The following SCN8A variants were observed in gnomAD, a reference collection of about 807,000 sequenced individuals.
SCN8A encodes the protein sodium channel protein type 8 subunit alpha.
Under a neutral mutation model 184.1 loss-of-function variants are expected in SCN8A, and 30 were observed. The observed-to-expected ratio is 0.16, with a 90% CI of 0.12 to 0.22. The LOEUF is 0.22. Ranked by LOEUF, SCN8A falls within the 10% of genes least tolerant of loss-of-function variation. SCN8A has a pLI of 1.00. For synonymous variants in SCN8A, 852 were observed against 907.0 expected (o/e 0.94, Z 1.09); for missense variants, 1,057 against 2,498.9 (o/e 0.42, Z 12.30).
chr12:51,711,727 T>TC (rs57690686), intron 11 of SCN8A, among the ~76,000 whole-genome samples: 1 of 150,942 alleles, frequency 6.6e-6, no homozygotes, highest in Non-Finnish European at 1.5e-5. Flanking sequence ...TTTTTTTTTT[T>TC]AGAAATTTTG....
intron 1 of SCN8A, among the ~76,000 whole-genome samples, chr12:51,604,802 G>T (rs1042166269): frequency 6.6e-6 from 1 of 152,002 alleles, no homozygotes; most frequent in Non-Finnish European, 1.5e-5. Context: ...CAAAGTGCTG[G>T]GATTACAGGC....
At chr12:51,736,294 G>GCC (rs1942324855) in intron 12 of SCN8A, among the ~76,000 whole-genome samples, 1 of 152,218 alleles carries the variant, frequency 6.6e-6, no homozygotes, top group Non-Finnish European at 1.5e-5. Context: ...AACACGGGCA[G>GCC]AAGACTCTTC....
intron 20 of SCN8A, chr12:51,780,419 G>T: frequency 7.4e-6 from 3 of 406,694 alleles, no homozygotes; most frequent in South Asian, 5.0e-5. Flanking sequence ...TTTTTCTTCT[G>T]CCTCTCAACC....
At chr12:51,789,942 C>A (rs1032143519) in intron 24 of SCN8A, among the ~76,000 whole-genome samples, 2 of 152,258 alleles carry the variant, frequency 1.3e-5, no homozygotes, top group African/African-American at 4.8e-5. Context: ...TACTCCAAGA[C>A]ACCCTCCAAA....
rs539092120 is a variant in SCN8A, at chr12:51,663,124, T to C, written c.276+31T>C. ...TTGGAGGAGGAGGAGCAGCTGCAGA[T>C]ACCTGTTTCCTAACAGGCTTAGGGA... is the stretch of plus-strand genomic sequence containing the variant. On this transcript the variant is annotated intron_variant, in intron 2 of 26. Transcript: ENST00000627620. 2.9e-5 allele frequency: 46 copies of C among 1,609,254 alleles called. 2 individuals are homozygous for C. The South Asian group carries it at 5.0e-4, about 17-fold the overall frequency.
intron 11 of SCN8A, among the ~76,000 whole-genome samples, chr12:51,719,138 A>G (rs1378971313): frequency 1.2e-5 from 1 of 81,742 alleles, no homozygotes; most frequent in Non-Finnish European, 2.4e-5. Flanking sequence ...AGCACATAAA[A>G]TTGATTATTA....
chr12:51,807,126 A>G lies in SCN8A; in HGVS notation c.5640A>G (p.Lys1880=). 1 of 1,613,856 alleles carries G rather than the reference A, an allele frequency of 6.2e-7. No homozygotes were observed. Among genetic ancestry groups the G allele is most frequent in the Non-Finnish European group, 8.5e-7 (1 of 1,179,876 alleles). ...EERFVASNPS[K]VSYEPITTTL... ...GGTTCGTGGCATCCAATCCTTCCAAAGTGTCTTACGAGCCAATCACAACCA... is the reference window on the plus strand; with the variant it reads ...GGTTCGTGGCATCCAATCCTTCCAAGGTGTCTTACGAGCCAATCACAACCA... The change falls in exon 27 of 27, where the codon AAA becomes AAG. Residue 1880 remains lysine, a synonymous_variant. Coordinates refer to ENST00000627620, the MANE Select transcript of SCN8A (RefSeq NM_001330260.2). The surrounding 1 kb of genome is among the most constrained non-coding windows in gnomAD (Gnocchi z 4.5).
At chr12:51,766,108 C>T in intron 16 of SCN8A, 81 bp downstream of exon 16, 1 of 1,035,578 alleles carries the variant, frequency 9.7e-7, no homozygotes, top group Admixed American at 1.7e-5. Flanking sequence ...CCTTCTACTG[C>T]TTAGTCCTTC....
chr12:51,693,977 G>C (rs1184903581), intron 6 of SCN8A, among the ~76,000 whole-genome samples: 2 of 152,202 alleles, frequency 1.3e-5, no homozygotes, highest in Non-Finnish European at 2.9e-5. Context: ...TTGTCACGCA[G>C]GCTGGAGTGC....
At chr12:51,670,621 G>GT (rs1039100255) in intron 2 of SCN8A, among the ~76,000 whole-genome samples, 1 of 152,174 alleles carries the variant, frequency 6.6e-6, no homozygotes, top group Non-Finnish European at 1.5e-5. Flanking sequence ...GTAAGGATAC[G>GT]TGATGATAGC....
At chr12:51,752,561 G>A (rs1942612434) in intron 14 of SCN8A, among the ~76,000 whole-genome samples, 1 of 152,110 alleles carries the variant, frequency 6.6e-6, no homozygotes, top group African/African-American at 2.4e-5. Context: ...GTGTTCCCTG[G>A]TATACATCCA....
At chr12:51,682,138 A>G (rs1941345936) in intron 2 of SCN8A, among the ~76,000 whole-genome samples, 1 of 152,126 alleles carries the variant, frequency 6.6e-6, no homozygotes, top group Non-Finnish European at 1.5e-5. Context: ...ACATTGGTTG[A>G]TTTTCAAATG....
rs1311970908 is a variant in SCN8A, at chr12:51,762,372, A to AT, written c.2371-130dup. ...GTGCTCATGAGACATCCAGGTATTG[A>AT]TATCTTCAGATGCAGAATTTAACTA... On this transcript the variant is annotated intron_variant, in intron 14 of 26. Coordinates refer to ENST00000627620, the MANE Select transcript of SCN8A (RefSeq NM_001330260.2). 4.8e-6 allele frequency: 4 copies of AT among 827,804 alleles called. No individual in the cohort carries two copies. The African/African-American group carries it at 6.9e-5, about 14-fold the overall frequency. 51.3% of individuals were successfully genotyped at this position (827,804 alleles called of 1,614,324 possible).
chr12:51,681,391 A>G (rs1941329800), intron 2 of SCN8A, among the ~76,000 whole-genome samples: 1 of 152,186 alleles, frequency 6.6e-6, no homozygotes, highest in Non-Finnish European at 1.5e-5. Flanking sequence ...TCCTTCACCC[A>G]TACTTCATGG....
chr12:51,733,346 T>A (rs1445835448), intron 12 of SCN8A, among the ~76,000 whole-genome samples: 1 of 152,246 alleles, frequency 6.6e-6, no homozygotes, highest in Non-Finnish European at 1.5e-5. Flanking sequence ...GTTGATATGA[T>A]GTATCACACT....
chr12:51,744,099 C>G (rs569427865), intron 12 of SCN8A, among the ~76,000 whole-genome samples: 2 of 152,210 alleles, frequency 1.3e-5, no homozygotes, highest in East Asian at 3.9e-4. Flanking sequence ...GCCAGGAGTT[C>G]CAGACCAGCC....
chr12:51,801,152 C>A (rs1262535611), intron 26 of SCN8A, among the ~76,000 whole-genome samples: 1 of 152,202 alleles, frequency 6.6e-6, no homozygotes, highest in African/African-American at 2.4e-5. Context: ...CTACACTAAT[C>A]AGACTATTCT....
At chr12:51,772,679 C>T (rs1419083506) in intron 19 of SCN8A, among the ~76,000 whole-genome samples, 1 of 151,932 alleles carries the variant, frequency 6.6e-6, no homozygotes, top group Non-Finnish European at 1.5e-5. Context: ...GTCCCCCCCA[C>T]TGCCTGTTGA....
chr12:51,697,060 AG>A (rs1941606869), intron 6 of SCN8A, among the ~76,000 whole-genome samples: 1 of 151,948 alleles, frequency 6.6e-6, no homozygotes, highest in Admixed American at 6.6e-5. Flanking sequence ...AAAATGAAAA[AG>A]AAACACAATA....
Sources: allele counts gnomAD v4.1 joint callset (sites outside exome capture counted in the v4.1 genomes callset), GRCh38; gene constraint gnomAD v4.1.1; non-coding constraint Gnocchi (gnomAD v3.1); transcripts MANE v1.5; gene names NCBI Gene and HGNC (gene_info 2026-07-23, HGNC 2026-07-21).